The following IL21R variants were observed in gnomAD, a reference collection of about 807,000 sequenced individuals.
IL21R encodes the protein interleukin-21 receptor.
IL21R carries 14 observed loss-of-function variants against 41.3 expected under a neutral mutation model. The ratio of observed to expected loss-of-function variants is 0.34; its 90% confidence interval spans 0.22 to 0.53. The LOEUF is 0.53. Among genes scored for constraint, IL21R ranks in the 20% least tolerant of loss-of-function variants. The pLI is 0.94. For missense variants in IL21R, 588 were observed against 681.6 expected (o/e 0.86, Z 1.53); for synonymous variants, 286 against 287.6 (o/e 0.99, Z 0.05).
intron 1 of IL21R, among the ~76,000 whole-genome samples, chr16:27,420,680 A>T (rs1233488905): frequency 6.6e-6 from 1 of 152,244 alleles, no homozygotes; most frequent in Non-Finnish European, 1.5e-5. Flanking sequence ...GAGTTGCAAG[A>T]ATTCTTTGCA....
Position 27,434,390 on chromosome 16 carries a change from G to A in IL21R, c.93G>A (p.Gln31=). 6.2e-7 allele frequency: 1 copy of A among 1,614,060 alleles called. No individual in the cohort carries two copies. Among genetic ancestry groups the A allele is most frequent in the African/African-American group, 1.3e-5 (1 of 75,054 alleles). The change falls in exon 3 of 9, where the codon CAG becomes CAA. Residue 31 remains glutamine (Q), a synonymous_variant. Coordinates refer to ENST00000337929, the MANE Select transcript of IL21R (RefSeq NM_181078.3). ...PDLVCYTDYL[Q]TVICILEMWN... ...TCGTCTGCTACACCGATTACCTCCA[G>A]ACGGTCATCTGCATCCTGGAAATGT...
At chr16:27,418,273 C>T (rs1334445101) in intron 1 of IL21R, among the ~76,000 whole-genome samples, 10 of 151,620 alleles carry the variant, frequency 6.6e-5, no homozygotes, top group Admixed American at 5.3e-4. Context: ...GTTTCACGTG[C>T]TAACCAGGAT....
chr16:27,443,216 AT>A, intron 5 of IL21R, 100 bp downstream of exon 5: 1 of 1,135,624 alleles, frequency 8.8e-7, no homozygotes, highest in Non-Finnish European at 1.2e-6. Flanking sequence ...AACATCATTC[AT>A]GGCCAAGAAC....
intron 1 of IL21R, among the ~76,000 whole-genome samples, chr16:27,405,417 T>C (rs1313547633): frequency 3.9e-5 from 6 of 152,234 alleles, no homozygotes; most frequent in Non-Finnish European, 8.8e-5. Context: ...TTGGTCATAT[T>C]GGCATATATG....
intron 1 of IL21R, among the ~76,000 whole-genome samples, chr16:27,422,559 T>G (rs1290874390): frequency 2.0e-5 from 3 of 152,206 alleles, no homozygotes; most frequent in African/African-American, 7.2e-5. Context: ...GTTACTAGTA[T>G]GTTGCCAAAT....
chr16:27,427,876 G>T (rs2087104914), intron 1 of IL21R, among the ~76,000 whole-genome samples: 1 of 152,172 alleles, frequency 6.6e-6, no homozygotes, highest in Admixed American at 6.5e-5. Flanking sequence ...CTAAAAGCAG[G>T]TTGAAACTGC....
At chr16:27,408,050 C>G (rs905337430) in intron 1 of IL21R, among the ~76,000 whole-genome samples, 2 of 152,174 alleles carry the variant, frequency 1.3e-5, no homozygotes, top group Non-Finnish European at 2.9e-5. Context: ...GTTTTGAGCA[C>G]CCACTGTAGG....
At chr16:27,418,525 C>T (rs967457352) in intron 1 of IL21R, among the ~76,000 whole-genome samples, 9 of 152,090 alleles carry the variant, frequency 5.9e-5, no homozygotes, top group South Asian at 2.1e-4. Context: ...CGCGCCACCA[C>T]GCTCGGCTAA....
intron 1 of IL21R, among the ~76,000 whole-genome samples, chr16:27,405,576 T>C (rs1174503608): frequency 2.6e-5 from 4 of 152,146 alleles, no homozygotes; most frequent in Non-Finnish European, 4.4e-5. Context: ...GAACAGATGC[T>C]TCCTCCAGGA....
intron 4 of IL21R, among the ~76,000 whole-genome samples, chr16:27,440,248 T>TATATATATATATATATATAG (rs1352160946): frequency 2.0e-4 from 13 of 64,038 alleles, no homozygotes; most frequent in Non-Finnish European, 2.9e-4. Flanking sequence ...TATATATATA[T>TATATATATATATATATATAG]AGAGAGAGAG....
At position 27,443,150 on chromosome 16, in the gene IL21R, G is replaced by A. The variant is rs375006846; in HGVS notation, c.507+34G>A. 3.9e-6 allele frequency: 6 copies of A among 1,551,118 alleles called. No individual in the cohort carries two copies. The African/African-American group carries it at 8.3e-5, about 21-fold the overall frequency. On this transcript the variant is annotated intron_variant, in intron 5 of 8. Coordinates refer to ENST00000337929, the MANE Select transcript of IL21R (RefSeq NM_181078.3). ...TGTGGGGATCAGTGCAGCTTTGTGG[G>A]AGGGGAGGGGAGATGACGGAGTGCA...
intron 1 of IL21R, among the ~76,000 whole-genome samples, chr16:27,416,783 C>T (rs2086898188): frequency 6.6e-6 from 1 of 152,232 alleles, no homozygotes; most frequent in African/African-American, 2.4e-5. Context: ...CCCCCCTCCC[C>T]TCAGCCTCAG....
At chr16:27,415,912 A>C (rs1221087345) in intron 1 of IL21R, among the ~76,000 whole-genome samples, 1 of 152,160 alleles carries the variant, frequency 6.6e-6, no homozygotes, top group Admixed American at 6.5e-5. Context: ...TTATGTTGAG[A>C]AATAGAGTTT....
rs189086343 is a variant in IL21R at position 27,428,570 on chromosome 16, G to C, written c.-16-1486G>C. ...CCTGAGTCTGGGCAGGTGGACCACTGCCCTCTGGCTGGCACTTCCTCAAAC... is the reference window on the plus strand; with the variant it reads ...CCTGAGTCTGGGCAGGTGGACCACTCCCCTCTGGCTGGCACTTCCTCAAAC... On this transcript the variant is annotated intron_variant, in intron 1 of 8. Transcript: ENST00000337929. Among the ~76,000 whole-genome samples, 1,103 of 152,384 alleles carry C rather than the reference G, an allele frequency of 7.2e-3. 2 individuals carry two copies. The highest frequency in any genetic ancestry group is 9.9e-3 in the Non-Finnish European group (676 of 68,044).
At chr16:27,424,114 A>G (rs530630877) in intron 1 of IL21R, among the ~76,000 whole-genome samples, 174 of 151,976 alleles carry the variant, frequency 1.1e-3, no homozygotes, top group Non-Finnish European at 1.8e-3. Context: ...TCGCTCTGTC[A>G]CCCAGGCTGG....
At position 27,407,544 on chromosome 16, in the gene IL21R, G is replaced by A. The variant is rs535981570; in HGVS notation, c.-17+4926G>A. On this transcript the variant is annotated intron_variant, in intron 1 of 8. Coordinates refer to ENST00000337929, the MANE Select transcript of IL21R (RefSeq NM_181078.3). ...TTGAAGCATTAAAGCTTTTATCCTC[G>A]GCCAGGTGCGGTGGCTCATGCCTGT... Among the ~76,000 whole-genome samples the A allele has an allele frequency of 3.3e-5, 5 of 152,328 alleles. No homozygotes were observed. In the South Asian group the frequency reaches 6.2e-4, roughly 19 times the overall value.
intron 1 of IL21R, among the ~76,000 whole-genome samples, chr16:27,406,066 C>T (rs2086740345): frequency 6.6e-6 from 1 of 152,406 alleles, no homozygotes; most frequent in African/African-American, 2.4e-5. Context: ...CCTCCTTTCC[C>T]CATCTGCCAA....
At chr16:27,413,268 A>T (rs2086846863) in intron 1 of IL21R, among the ~76,000 whole-genome samples, 1 of 152,014 alleles carries the variant, frequency 6.6e-6, no homozygotes, top group Admixed American at 6.5e-5. Context: ...TATTACATTT[A>T]TCTGATTTTT....
Position 27,448,673 on chromosome 16 carries a change from A to T in IL21R, c.1007A>T (p.Glu336Val). The change falls in exon 9 of 9, where the codon GAA becomes GTA. Residue 336 changes from glutamate (E) to valine (V), a missense_variant. Coordinates refer to ENST00000337929, the MANE Select transcript of IL21R (RefSeq NM_181078.3). Reference protein sequence around the residue: ...AKRLQLTELQEPAELVESDGV... With the variant: ...AKRLQLTELQVPAELVESDGV... ...AGGCTGCAGCTCACGGAGCTACAAGAACCAGCAGAGCTGGTGGAGTCTGAC... is the reference window on the plus strand; with the variant it reads ...AGGCTGCAGCTCACGGAGCTACAAGTACCAGCAGAGCTGGTGGAGTCTGAC... 6.2e-7 allele frequency: 1 copy of T among 1,613,166 alleles called. No homozygotes were observed. Among genetic ancestry groups the T allele is most frequent in the Non-Finnish European group, 8.5e-7 (1 of 1,180,004 alleles).
Sources: gnomAD v4.1 joint callset for allele counts (sites outside exome capture counted in the v4.1 genomes callset) on GRCh38, gnomAD v4.1.1 for gene constraint, MANE v1.5 for transcripts, NCBI Gene and HGNC (gene_info 2026-07-23, HGNC 2026-07-21) for gene names.